SDCBP: variants seen among roughly 807,000 people sequenced by gnomAD.
SDCBP encodes the protein syndecan binding protein.
Under a neutral mutation model 30.5 loss-of-function variants are expected in SDCBP, and 22 were observed. The observed-to-expected ratio is 0.72, with a 90% CI of 0.52 to 1.03. The LOEUF is 1.03. Ranked by LOEUF, SDCBP falls within the 50% of genes least tolerant of loss-of-function variation. The pLI, the probability that SDCBP is intolerant of heterozygous loss-of-function variation, is 0.00. For synonymous variants in SDCBP, 103 were observed against 118.7 expected, an observed-to-expected ratio of 0.87 and a Z score of 0.86; for missense variants, 304 against 369.9, an observed-to-expected ratio of 0.82 and a Z score of 1.46.
intron 8 of SDCBP, among the ~76,000 whole-genome samples, chr8:58,580,811 AT>A (rs1252256906): frequency 6.6e-6 from 1 of 152,194 alleles, no homozygotes; most frequent in African/African-American, 2.4e-5. Context: ...AAATTCACAT[AT>A]ACTTTCCTCA....
rs202058764 is a variant in SDCBP, at chr8:58,582,179, AT to A, written c.*449del. ...AGTACATTTAGAATGATTGCCTTTGATTTTTTTTTTAAATTCTGTGTGTGTG... is the reference window on the plus strand; with the variant it reads ...AGTACATTTAGAATGATTGCCTTTGATTTTTTTTTAAATTCTGTGTGTGTG... On this transcript the variant is annotated 3_prime_UTR_variant, in exon 9 of 9. Transcript: ENST00000260130. 34 of 154,258 alleles carry A rather than the reference AT, an allele frequency of 2.2e-4. No individual in the cohort carries two copies. Among genetic ancestry groups the A allele is most frequent in the East Asian group, 5.8e-4 (3 of 5,192 alleles). The allele number at this position is 154,258 out of a possible 1,614,324, so 9.6% of individuals were successfully genotyped here.
intron 2 of SDCBP, among the ~76,000 whole-genome samples, chr8:58,568,904 C>T (rs892663173): frequency 1.2e-4 from 19 of 152,134 alleles, no homozygotes; most frequent in African/African-American, 4.3e-4. Context: ...TTTTCTTTAG[C>T]GTCAGGATGT....
chr8:58,567,668 G>T (rs1016365740), intron 2 of SDCBP, among the ~76,000 whole-genome samples: 3 of 152,160 alleles, frequency 2.0e-5, no homozygotes, highest in Non-Finnish European at 2.9e-5. Flanking sequence ...GTTTTGTCGT[G>T]CAAACATTAT....
rs373039131 is a variant in SDCBP, at chr8:58,580,557, T to C, written c.791T>C (p.Val264Ala). ...IADILSTSGT[V>A]VTITIMPAFI... Reference sequence around the variant, plus strand: ...GACATACTGTCAACATCTGGGACTGTAGTTACTATTACAATCATGCCTGCT... The same window carrying C: ...GACATACTGTCAACATCTGGGACTGCAGTTACTATTACAATCATGCCTGCT... Residue 264 changes from valine (V) to alanine (A), a missense_variant, in exon 8 of 9, where the codon GTA becomes GCA. By Grantham distance (64) the Val-to-Ala change is moderately conservative. Coordinates refer to ENST00000260130, the MANE Select transcript of SDCBP (RefSeq NM_005625.4). 5.0e-6 allele frequency: 8 copies of C among 1,595,734 alleles called. No homozygotes were observed. The African/African-American group carries it at 5.4e-5, about 11-fold the overall frequency.
rs974926515 is a variant in SDCBP at position 58,553,295 on chromosome 8, G to C, written c.-24G>C. The C allele has an allele frequency of 1.9e-5, 3 of 154,366 alleles. No individual in the cohort carries two copies. Among genetic ancestry groups the C allele is most frequent in the African/African-American group, 7.2e-5 (3 of 41,506 alleles). The allele number at this position is 154,366 out of a possible 1,614,324, so 9.6% of individuals were successfully genotyped here. On this transcript the variant is annotated 5_prime_UTR_variant, in exon 1 of 9. Coordinates refer to ENST00000260130, the MANE Select transcript of SDCBP (RefSeq NM_005625.4). ...AGGCGGCGGCGGCGAGCGGTTCCTT[G>C]TGGGCTAGGTGAGAGGCCAAGGGGG...
At position 58,578,108 on chromosome 8, in the gene SDCBP, CAG is replaced by C. The variant is rs1232867500; in HGVS notation, c.480_481del (p.Gln160HisfsTer4). ...VGLRFGDQVL[Q>X]INGENCAGWS... is the part of the protein sequence containing the mutation. ...TCTGAGATTTGGGGACCAAGTACTT[CAG>C]ATCAATGGTGAAAACTGTGCAGGAT... On this transcript the variant is annotated frameshift_variant, in exon 6 of 9. Transcript: ENST00000260130. LOFTEE classifies it high-confidence loss of function. The C allele has an allele frequency of 6.2e-7, 1 of 1,613,820 alleles. No individual in the cohort carries two copies. Among genetic ancestry groups the C allele is most frequent in the African/African-American group, 1.3e-5 (1 of 74,904 alleles).
chr8:58,572,211 A>T lies in SDCBP; in HGVS notation c.137A>T (p.Tyr46Phe). The T allele has an allele frequency of 6.3e-7, 1 of 1,594,492 alleles. No individual in the cohort carries two copies. Among genetic ancestry groups the T allele is most frequent in the Admixed American group, 1.7e-5 (1 of 59,976 alleles). The change falls in exon 4 of 9, where the codon TAT becomes TTT. Residue 46 changes from tyrosine to phenylalanine, a missense_variant. Physicochemically the swap from Tyr to Phe is conservative, Grantham distance 22 (BLOSUM62 3). Coordinates refer to ENST00000260130, the MANE Select transcript of SDCBP (RefSeq NM_005625.4). ...TTATTCATTTACTTTTTAGATCTCT[A>T]TCCCAGACTGTATCCAGAGCTCTCT... ...SAPIPHDGNL[Y>F]PRLYPELSQY...
At chr8:58,563,626 T>C (rs1804551994) in intron 1 of SDCBP, among the ~76,000 whole-genome samples, 1 of 152,140 alleles carries the variant, frequency 6.6e-6, no homozygotes, top group East Asian at 1.9e-4. Context: ...CATATAGTGA[T>C]TTTAACAGTG....
chr8:58,560,716 A>T (rs577714070), intron 1 of SDCBP: 1 of 152,362 alleles, frequency 6.6e-6, no homozygotes, highest in East Asian at 1.9e-4. Context: ...CATCCTCAGG[A>T]AAGGTTCAAA....
intron 1 of SDCBP, among the ~76,000 whole-genome samples, chr8:58,556,082 A>G (rs1386135441): frequency 1.3e-5 from 2 of 152,152 alleles, no homozygotes; most frequent in South Asian, 2.1e-4. Context: ...CAACTGTCAT[A>G]TAATTTTTTA....
chr8:58,577,900 C>T, intron 5 of SDCBP, 133 bp from the exon 6 acceptor site: 1 of 685,138 alleles, frequency 1.5e-6, no homozygotes. Context: ...ATAGTTTTTC[C>T]TTTTTTTCTT....
In SDCBP at chr8:58,581,927, T is replaced by C; in HGVS notation, c.*187T>C. 1 of 563,252 alleles carries C rather than the reference T, an allele frequency of 1.8e-6. No homozygotes were observed. The highest frequency in any genetic ancestry group is 3.2e-6 in the Non-Finnish European group (1 of 316,500). The allele number at this position is 563,252 out of a possible 1,614,324, so 34.9% of individuals were successfully genotyped here. On this transcript the variant is annotated 3_prime_UTR_variant, in exon 9 of 9. Coordinates refer to ENST00000260130, the MANE Select transcript of SDCBP (RefSeq NM_005625.4). ...CCTTGTTCAGATTTCAAAATAGTTG[T>C]AGCCTTATCCTGGTTTTACAGATGT...
At chr8:58,566,577 A>G (rs1364432409) in intron 2 of SDCBP, among the ~76,000 whole-genome samples, 1 of 152,234 alleles carries the variant, frequency 6.6e-6, no homozygotes, top group Non-Finnish European at 1.5e-5. Context: ...GAGATAGAAC[A>G]GTGAATAAGG....
chr8:58,563,871 C>G (rs530000509), intron 1 of SDCBP, among the ~76,000 whole-genome samples: 1 of 152,300 alleles, frequency 6.6e-6, no homozygotes, highest in Non-Finnish European at 1.5e-5. Context: ...TATTCTCCCT[C>G]TGGCATTCTG....
chr8:58,560,824 T>C (rs1260591061), intron 1 of SDCBP: 1 of 152,130 alleles, frequency 6.6e-6, no homozygotes, highest in Non-Finnish European at 1.5e-5. Context: ...TTTCAAATGC[T>C]TGGATCCCAA....
chr8:58,559,381 T>C (rs775267976), intron 1 of SDCBP, among the ~76,000 whole-genome samples: 4 of 152,246 alleles, frequency 2.6e-5, no homozygotes, highest in Admixed American at 6.5e-5. Flanking sequence ...ATATATCATA[T>C]GCATTTTGTT....
intron 1 of SDCBP, among the ~76,000 whole-genome samples, chr8:58,555,612 C>G (rs1315870592): frequency 4.6e-5 from 7 of 152,140 alleles, no homozygotes; most frequent in Admixed American, 3.9e-4. Flanking sequence ...TAATTTGGCT[C>G]TGATGATTAG....
At chr8:58,561,667 A>C (rs1804447663) in intron 1 of SDCBP, 15 of 557,860 alleles carry the variant, frequency 2.7e-5, no homozygotes, top group Non-Finnish European at 4.1e-5. Flanking sequence ...AGAGTTCATC[A>C]CCACTATATC....
chr8:58,579,765 A>G lies in SDCBP; in HGVS notation c.721A>G (p.Ile241Val), dbSNP rs965045151. ...TCTCACGGAACATAACATCTGTGAA[A>G]TCAATGGACAGAATGTCATTGGATT... ...GLLTEHNICE[I>V]NGQNVIGLKD... is the part of the protein sequence containing the mutation. Residue 241 changes from isoleucine (I) to valine (V), a missense_variant, in exon 7 of 9, where the codon ATC (isoleucine) becomes GTC (valine). Coordinates refer to ENST00000260130, the MANE Select transcript of SDCBP (RefSeq NM_005625.4). 4.3e-6 allele frequency: 7 copies of G among 1,611,254 alleles called. No homozygotes were observed. The highest frequency in any genetic ancestry group is 5.9e-6 in the Non-Finnish European group (7 of 1,178,852).
Sources: allele counts gnomAD v4.1 joint callset (sites outside exome capture counted in the v4.1 genomes callset), GRCh38; gene constraint gnomAD v4.1.1; transcripts MANE v1.5; gene names NCBI Gene and HGNC (gene_info 2026-07-23, HGNC 2026-07-21).